The following LRRK2 variants were observed in gnomAD, a reference collection of about 807,000 sequenced individuals.
The protein encoded by LRRK2 is leucine-rich repeat serine/threonine-protein kinase 2.
A neutral mutation model predicts 302.6 loss-of-function variants in LRRK2; 203 were observed. The ratio of observed to expected loss-of-function variants is 0.67; its 90% confidence interval spans 0.60 to 0.75. LRRK2 has a LOEUF of 0.75. Ranked by LOEUF, LRRK2 falls within the 30% of genes least tolerant of loss-of-function variation. The pLI is 0.00. For synonymous variants in LRRK2, 1,066 were observed against 1,031.9 expected, an observed-to-expected ratio of 1.03 and a Z score of -0.63; for missense variants, 2,830 against 2,951.0, an observed-to-expected ratio of 0.96 and a Z score of 0.95.
intron 12 of LRRK2, among the ~76,000 whole-genome samples, chr12:40,258,061 C>T (rs1942601963): frequency 6.6e-6 from 1 of 152,174 alleles, no homozygotes; most frequent in Admixed American, 6.5e-5. Flanking sequence ...ACTGTTTCAT[C>T]TCTAAAACTT....
intron 21 of LRRK2, 74 bp downstream of exon 21, chr12:40,293,737 C>A: frequency 3.0e-6 from 3 of 991,770 alleles, no homozygotes; most frequent in Non-Finnish European, 4.8e-6. Flanking sequence ...AAATTTATGC[C>A]AAAGCTAGGA....
intron 29 of LRRK2, 72 bp from the exon 30 acceptor site, chr12:40,309,034 A>AT (rs970722927): frequency 1.9e-3 from 2,579 of 1,393,874 alleles, no homozygotes; most frequent in Non-Finnish European, 2.1e-3. Flanking sequence ...ATTCTCCCAG[A>AT]TTTTTTTTTA....
intron 3 of LRRK2, among the ~76,000 whole-genome samples, chr12:40,234,035 C>T (rs1050043550): frequency 6.6e-6 from 1 of 152,112 alleles, no homozygotes; most frequent in African/African-American, 2.4e-5. Flanking sequence ...CCTCCAAAGA[C>T]TTACCAGTAC....
In LRRK2 at chr12:40,278,328, TG is replaced by T. The variant is rs1219835228; in HGVS notation, c.2241+68del. On this transcript the variant is annotated intron_variant, in intron 18 of 50. Transcript: ENST00000298910. Reference sequence around the variant, plus strand: ...TTATAGAATGTAAGAGCCCTGCCATTGTGTATCTCTTACTTATATCATATTA... The same window carrying T: ...TTATAGAATGTAAGAGCCCTGCCATTTGTATCTCTTACTTATATCATATTA... 12 of 1,547,458 alleles carry T rather than the reference TG, an allele frequency of 7.8e-6. No homozygotes were observed. The South Asian group carries it at 1.3e-4, about 17-fold the overall frequency.
chr12:40,365,123 A>G (rs771819470), intron 49 of LRRK2, 73 bp downstream of exon 49: 4 of 1,395,246 alleles, frequency 2.9e-6, no homozygotes, highest in South Asian at 2.3e-5. Context: ...TTACGTTTAC[A>G]TTTTCTCTGA....
chr12:40,353,095 C>G (rs1946412412), intron 44 of LRRK2, among the ~76,000 whole-genome samples: 1 of 150,762 alleles, frequency 6.6e-6, no homozygotes, highest in Non-Finnish European at 1.5e-5. Flanking sequence ...GGCTGCCCCC[C>G]ACCTCCCGGA....
intron 7 of LRRK2, among the ~76,000 whole-genome samples, chr12:40,245,531 G>A (rs182048334): frequency 6.6e-6 from 1 of 151,920 alleles, no homozygotes; most frequent in Admixed American, 6.6e-5. Context: ...CTTTTTTCTT[G>A]GGCCTTTACT....
intron 13 of LRRK2, among the ~76,000 whole-genome samples, chr12:40,260,878 G>A (rs1396209028): frequency 6.6e-6 from 1 of 152,150 alleles, no homozygotes; most frequent in Non-Finnish European, 1.5e-5. Flanking sequence ...GTTCTGTGAA[G>A]TTCCCAATCT....
chr12:40,278,437 C>G (rs1462706949), intron 18 of LRRK2, among the ~76,000 whole-genome samples, 176 bp downstream of exon 18: 1 of 152,106 alleles, frequency 6.6e-6, no homozygotes, highest in East Asian at 1.9e-4. Flanking sequence ...GTAATAGGGT[C>G]CTTTAGGTGT....
chr12:40,364,780 T>C, intron 48 of LRRK2, 62 bp from the exon 49 acceptor site: 1 of 1,213,292 alleles, frequency 8.2e-7, no homozygotes, highest in Admixed American at 1.8e-5. Flanking sequence ...TGTTATCATA[T>C]GTAAATAGCA....
At chr12:40,255,262 A>G (rs960686011) in intron 11 of LRRK2, among the ~76,000 whole-genome samples, 4 of 152,158 alleles carry the variant, frequency 2.6e-5, no homozygotes, top group Non-Finnish European at 4.4e-5. Flanking sequence ...GGAGAATATG[A>G]TATGTTAGAC....
At chr12:40,322,581 T>C (rs1945436623) in intron 37 of LRRK2, 71 bp downstream of exon 37, 1 of 1,367,070 alleles carries the variant, frequency 7.3e-7, no homozygotes, top group Non-Finnish European at 1.0e-6. Flanking sequence ...TTTTAATAAA[T>C]GTAAATATTC....
In LRRK2 at chr12:40,274,842, T is replaced by C. The variant is rs747509479; in HGVS notation, c.1802-12T>C. 6.2e-7 allele frequency: 1 copy of C among 1,610,000 alleles called. No homozygotes were observed. Among genetic ancestry groups the C allele is most frequent in the South Asian group, 1.1e-5 (1 of 90,916 alleles). On this transcript the variant is annotated splice_polypyrimidine_tract_variant and intron_variant, in intron 15 of 50. Transcript: ENST00000298910. The stretch of plus-strand genomic sequence containing the variant: ...TGAGATTTAAAACAATTCTTTTTTT[T>C]TATTTTCCTAGAAATTCAGTGTCTG...
chr12:40,340,986 T>C (rs916803257), intron 41 of LRRK2, among the ~76,000 whole-genome samples: 3 of 152,192 alleles, frequency 2.0e-5, no homozygotes, highest in Admixed American at 6.5e-5. Flanking sequence ...CAGAAATATA[T>C]ACATGTTTGA....
chr12:40,330,506 T>C (rs1945682325), intron 39 of LRRK2, among the ~76,000 whole-genome samples: 1 of 152,190 alleles, frequency 6.6e-6, no homozygotes, highest in Non-Finnish European at 1.5e-5. Flanking sequence ...AGTATGTGTT[T>C]GTGTGTAGGT....
chr12:40,284,508 C>A (rs1943841621), intron 19 of LRRK2, among the ~76,000 whole-genome samples: 1 of 151,794 alleles, frequency 6.6e-6, no homozygotes, highest in South Asian at 2.1e-4. Context: ...TTTTTCCTAA[C>A]TTTTTATATG....
At chr12:40,367,411 T>C (rs1946911850) in intron 50 of LRRK2, 5 of 411,128 alleles carry the variant, frequency 1.2e-5, no homozygotes, top group South Asian at 4.8e-5. Flanking sequence ...GAATATGAAA[T>C]GTTAATTTAT....
intron 10 of LRRK2, 66 bp from the exon 11 acceptor site, chr12:40,252,844 G>A (rs1005003670): frequency 2.9e-5 from 30 of 1,024,526 alleles, no homozygotes; most frequent in Admixed American, 1.0e-4. Flanking sequence ...TTTGATAATG[G>A]CAAGTGAGAA....
intron 27 of LRRK2, chr12:40,304,742 T>C (rs1355727820): frequency 6.6e-6 from 1 of 152,178 alleles, no homozygotes; most frequent in Non-Finnish European, 1.5e-5. Flanking sequence ...ATAAGCATTG[T>C]AAATATCAAT....
Sources: gnomAD v4.1 joint callset for allele counts (sites outside exome capture counted in the v4.1 genomes callset) on GRCh38, gnomAD v4.1.1 for gene constraint, MANE v1.5 for transcripts, NCBI Gene and HGNC (gene_info 2026-07-23, HGNC 2026-07-21) for gene names.